Variants in CATSPERT observed in about 807,000 individuals in gnomAD.
CATSPERT encodes catsper channel auxiliary subunit tau, also known as cation channel sperm-associated targeting subunit tau.
At chr2:201,539,539 T>G in the CATSPERT span, among the ~76,000 whole-genome samples, 1 of 131,250 alleles carries the variant, frequency 7.6e-6, no homozygotes, top group Non-Finnish European at 1.6e-5. Flanking sequence ...TGTAAATCTT[T>G]GCCCACTTTT....
At chr2:201,534,599 C>G in the CATSPERT span, 1 of 983,260 alleles carries the variant, frequency 1.0e-6, no homozygotes, top group Non-Finnish European at 1.2e-6. Context: ...CAGGGAAAAC[C>G]AAAATGACTA....
At chr2:201,549,376 C>T in the CATSPERT span, among the ~76,000 whole-genome samples, 1 of 151,850 alleles carries the variant, frequency 6.6e-6, no homozygotes, top group Non-Finnish European at 1.5e-5. Context: ...GGCTTCACTT[C>T]AAAATGGGAA....
At chr2:201,612,411 T>TA in the CATSPERT span, among the ~76,000 whole-genome samples, 1 of 151,812 alleles carries the variant, frequency 6.6e-6, no homozygotes, top group Non-Finnish European at 1.5e-5. Flanking sequence ...CCATCTCTAC[T>TA]AAAAATACAA....
At chr2:201,521,686 T>C in the CATSPERT span, among the ~76,000 whole-genome samples, 1 of 152,000 alleles carries the variant, frequency 6.6e-6, no homozygotes, top group African/African-American at 2.4e-5. Flanking sequence ...AAGCAGACAA[T>C]GACACAACAA....
chr2:201,495,110 A>C, the CATSPERT span, among the ~76,000 whole-genome samples: 2 of 152,226 alleles, frequency 1.3e-5, no homozygotes, highest in South Asian at 4.1e-4. Flanking sequence ...TCAGGATCCA[A>C]GTCTCATTTA....
At chr2:201,557,652 T>G in the CATSPERT span, 2 of 152,236 alleles carry the variant, frequency 1.3e-5, no homozygotes, top group South Asian at 2.1e-4. Flanking sequence ...CCTATTAATC[T>G]GCTTTTCACC....
At chr2:201,616,737 G>T in the CATSPERT span, among the ~76,000 whole-genome samples, 1 of 152,106 alleles carries the variant, frequency 6.6e-6, no homozygotes, top group African/African-American at 2.4e-5. Flanking sequence ...GAAATAAAGG[G>T]TATTCAATTA....
the CATSPERT span, among the ~76,000 whole-genome samples, chr2:201,518,713 G>A: frequency 6.6e-6 from 1 of 152,190 alleles, no homozygotes; most frequent in Non-Finnish European, 1.5e-5. Flanking sequence ...GAATTCAGTT[G>A]GTAATAATGC....
the CATSPERT span, among the ~76,000 whole-genome samples, chr2:201,614,170 C>T: frequency 5.3e-5 from 8 of 152,084 alleles, no homozygotes; most frequent in South Asian, 2.1e-4. Context: ...CCCAACCTAG[C>T]GAGGCAGGCC....
chr2:201,617,792 T>A, the CATSPERT span, among the ~76,000 whole-genome samples: 3 of 151,764 alleles, frequency 2.0e-5, no homozygotes, highest in Non-Finnish European at 4.4e-5. Flanking sequence ...TGGGAGAAAA[T>A]TTTTGCAATC....
chr2:201,571,846 T>G, the CATSPERT span: 2 of 1,167,416 alleles, frequency 1.7e-6, no homozygotes, highest in Non-Finnish European at 2.5e-6. Context: ...TGGGGACTTC[T>G]TAAAATAACT....
the CATSPERT span, among the ~76,000 whole-genome samples, chr2:201,610,505 T>G: frequency 6.6e-6 from 1 of 150,662 alleles, no homozygotes; most frequent in Non-Finnish European, 1.5e-5. Flanking sequence ...ACAGACCACA[T>G]GACTTCACTG....
the CATSPERT span, among the ~76,000 whole-genome samples, chr2:201,490,649 G>T: frequency 6.6e-6 from 1 of 152,188 alleles, no homozygotes; most frequent in Non-Finnish European, 1.5e-5. Context: ...AAGGTAGTAG[G>T]TGTGTTAACA....
chr2:201,499,071 G>A, the CATSPERT span, among the ~76,000 whole-genome samples: 11 of 152,266 alleles, frequency 7.2e-5, no homozygotes, highest in East Asian at 2.1e-3. Flanking sequence ...CTCCAGGGAA[G>A]CCTGCCCAGC....
At chr2:201,551,014 T>C in the CATSPERT span, 1 of 152,238 alleles carries the variant, frequency 6.6e-6, no homozygotes, top group Non-Finnish European at 1.5e-5. Context: ...TGTCCATTCA[T>C]GCATTTAATT....
At chr2:201,556,220 C>T in the CATSPERT span, among the ~76,000 whole-genome samples, 2 of 152,132 alleles carry the variant, frequency 1.3e-5, no homozygotes, top group Non-Finnish European at 2.9e-5. Context: ...AAAAATGATG[C>T]AACTTCAGGC....
the CATSPERT span, chr2:201,547,713 G>T: frequency 1.7e-6 from 1 of 595,896 alleles, no homozygotes. Context: ...TTTATAAAAT[G>T]TTCTAAAAGA....
At chr2:201,504,204 C>CT in the CATSPERT span, among the ~76,000 whole-genome samples, 9 of 152,190 alleles carry the variant, frequency 5.9e-5, no homozygotes, top group African/African-American at 1.9e-4. Flanking sequence ...ATTTCAGACT[C>CT]TATCTCCTCA....
the CATSPERT span, among the ~76,000 whole-genome samples, chr2:201,543,860 CT>C: frequency 2.0e-5 from 3 of 151,846 alleles, no homozygotes; most frequent in Admixed American, 6.6e-5. Flanking sequence ...AACTTGCTTT[CT>C]TTTTTTTATT....
Sources: allele counts gnomAD v4.1 joint callset (sites outside exome capture counted in the v4.1 genomes callset), GRCh38; gene constraint gnomAD v4.1.1; transcripts MANE v1.5; gene names NCBI Gene and HGNC (gene_info 2026-07-23, HGNC 2026-07-21).